Variants in ZBTB38 observed in about 807,000 individuals in gnomAD.
The protein encoded by ZBTB38 is zinc finger and BTB domain-containing protein 38.
In ZBTB38, 20 loss-of-function variants were observed where a neutral mutation model predicts 76.8. The ratio of observed to expected loss-of-function variants is 0.26; its 90% confidence interval spans 0.18 to 0.38. The LOEUF is 0.38. ZBTB38 is among the 10% of genes least tolerant of loss of function. ZBTB38 has a pLI of 1.00. For missense variants in ZBTB38, 1,082 were observed against 1,482.3 expected, an observed-to-expected ratio of 0.73 and a Z score of 4.43; for synonymous variants, 504 against 544.2, an observed-to-expected ratio of 0.93 and a Z score of 1.03.
In ZBTB38 at chr3:141,426,233, A is replaced by G. The variant is rs148501471; in HGVS notation, c.1-16156A>G. The G allele has an allele frequency of 7.8e-4, 998 of 1,280,946 alleles. 8 individuals are homozygous for G. The African/African-American group carries it at 0.013, about 17-fold the overall frequency. The allele number at this position is 1,280,946 out of a possible 1,614,324, so 79.3% of individuals were successfully genotyped here. A position where few individuals can be genotyped will look rare whatever the true frequency, so the allele number is the denominator to read the frequency against. ...GTCGTGCGGACTATATATCTTGGTAATTTTCAGCAGGATGCAAAAGCACAC... is the reference window on the plus strand; with the variant it reads ...GTCGTGCGGACTATATATCTTGGTAGTTTTCAGCAGGATGCAAAAGCACAC... On this transcript the variant is annotated intron_variant, in intron 5 of 5. Transcript: ENST00000321464.
chr3:141,363,890 G>A (rs1261303297), upstream of ZBTB38, among the ~76,000 whole-genome samples: 1 of 152,050 alleles, frequency 6.6e-6, no homozygotes, highest in African/African-American at 2.4e-5. Context: ...GAAAACTCAG[G>A]TGTAAATCTT....
chr3:141,440,941 GGA>G (rs1178480227), intron 5 of ZBTB38, among the ~76,000 whole-genome samples: 1 of 151,454 alleles, frequency 6.6e-6, no homozygotes, highest in African/African-American at 2.4e-5. Flanking sequence ...GGCTGAGGCA[GGA>G]GAGTCGCTTG....
At chr3:141,338,140 A>G (rs1393074455) in intron 1 of ZBTB38, among the ~76,000 whole-genome samples, 2 of 152,188 alleles carry the variant, frequency 1.3e-5, no homozygotes, top group Admixed American at 1.3e-4. Context: ...TCTAAAAATA[A>G]CAGATGCTGG....
At chr3:141,428,799 G>A (rs758492370) in intron 5 of ZBTB38, among the ~76,000 whole-genome samples, 2 of 152,022 alleles carry the variant, frequency 1.3e-5, no homozygotes, top group South Asian at 2.1e-4. Context: ...TTTATGTGCC[G>A]GCCTCCACAG....
chr3:141,432,023 C>A, intron 5 of ZBTB38: 1 of 889,980 alleles, frequency 1.1e-6, no homozygotes, highest in Non-Finnish European at 1.3e-6. Flanking sequence ...TTTCTAACAC[C>A]CCGTCACGTG....
At chr3:141,358,044 A>G (rs547014394) in intron 1 of ZBTB38, among the ~76,000 whole-genome samples, 1 of 152,310 alleles carries the variant, frequency 6.6e-6, no homozygotes, top group South Asian at 2.1e-4. Context: ...CAAATTTTCT[A>G]AAGTAGTCCT....
Position 141,356,915 on chromosome 3 carries a change from A to G in ZBTB38, c.-738-11706A>G, listed in dbSNP as rs1943679547. On this transcript the variant is annotated intron_variant, in intron 1 of 7. Coordinates refer to the ZBTB38 transcript ENST00000509842. Reference sequence around the variant, plus strand: ...TAATCATCAAGAATGACTTTTTTTAAAAGTTCACTTGGGAACTATAAATGT... The same window carrying G: ...TAATCATCAAGAATGACTTTTTTTAGAAGTTCACTTGGGAACTATAAATGT... 2.6e-5 allele frequency among the ~76,000 whole-genome samples: 4 copies of G among 152,382 alleles called. No individual in the cohort carries two copies. In the South Asian group the frequency reaches 8.3e-4, roughly 32 times the overall value.
chr3:141,410,857 C>T (rs776256560), intron 5 of ZBTB38, among the ~76,000 whole-genome samples: 2 of 152,102 alleles, frequency 1.3e-5, no homozygotes, highest in Admixed American at 6.5e-5. Flanking sequence ...ACCCAGCTTG[C>T]GCACCCCTAT....
chr3:141,426,175 TC>T, intron 5 of ZBTB38: 2 of 1,289,378 alleles, frequency 1.6e-6, no homozygotes, highest in Non-Finnish European at 2.0e-6. Context: ...GGTAAGCTGT[TC>T]CTTCATAGTG....
At chr3:141,363,852 A>T (rs1247717082), upstream of ZBTB38, among the ~76,000 whole-genome samples, 1 of 152,200 alleles carries the variant, frequency 6.6e-6, no homozygotes, top group Non-Finnish European at 1.5e-5. Context: ...ATCTAAATGT[A>T]AGAACTAAAA....
intron 1 of ZBTB38, among the ~76,000 whole-genome samples, chr3:141,359,207 A>C (rs1301547014): frequency 3.3e-5 from 5 of 152,122 alleles, no homozygotes; most frequent in Non-Finnish European, 5.9e-5. Flanking sequence ...TGGTTTTTAC[A>C]CTCTGACCTT....
intron 4 of ZBTB38, chr3:141,389,163 C>A (rs967916162): frequency 1.3e-5 from 2 of 152,162 alleles, no homozygotes; most frequent in African/African-American, 2.4e-5. Flanking sequence ...AAACCTGAAA[C>A]CTCCCCGAGG....
chr3:141,402,288 C>A (rs1008079569), intron 4 of ZBTB38: 1 of 151,990 alleles, frequency 6.6e-6, no homozygotes, highest in Non-Finnish European at 1.5e-5. Flanking sequence ...CCCGGACGGG[C>A]TGCGTCCTCT....
At chr3:141,417,579 T>G (rs2074358128) in intron 5 of ZBTB38, among the ~76,000 whole-genome samples, 1 of 152,184 alleles carries the variant, frequency 6.6e-6, no homozygotes. Flanking sequence ...CCCACCTGTC[T>G]CTTTGCCTTC....
rs1944097167 is a variant in ZBTB38 at position 141,368,800 on chromosome 3, T to A, written c.-314T>A. 1 of 151,926 alleles carries A rather than the reference T, an allele frequency of 6.6e-6. No homozygotes were observed. Among genetic ancestry groups the A allele is most frequent in the Non-Finnish European group, 1.5e-5 (1 of 67,978 alleles). The allele number at this position is 151,926 out of a possible 1,614,324, so 9.4% of individuals were successfully genotyped here. On this transcript the variant is annotated 5_prime_UTR_variant, in exon 1 of 6. Coordinates refer to ENST00000321464, the MANE Select transcript of ZBTB38 (RefSeq NM_001376113.1). The stretch of plus-strand genomic sequence containing the variant: ...TCTGGGTTTCAGAGGAGCCAGCGCC[T>A]CCGAGTAAGTGAAGGCCCACTTTTG...
At chr3:141,399,174 A>G (rs1951100929) in intron 4 of ZBTB38, among the ~76,000 whole-genome samples, 1 of 151,828 alleles carries the variant, frequency 6.6e-6, no homozygotes, top group African/African-American at 2.4e-5. Context: ...TTATATAAAA[A>G]TCCTGATTTA....
rs751928715 is a variant in ZBTB38, at chr3:141,445,741, G to A, written c.3353G>A (p.Arg1118Gln). Residue 1118 changes from arginine to glutamine, a missense_variant, in exon 6 of 6, where the codon CGG (arginine) becomes CAG (glutamine). Physicochemically the swap from Arg to Gln is conservative, Grantham distance 43. Transcript: ENST00000321464. The surrounding 1 kb of genome is among the most constrained non-coding windows in gnomAD (Gnocchi z 6.5). ...AGGAATCACGAGCAGAGGCATATTCGGGAGCATAATGGGAAGGGCTATGCC... is the reference window on the plus strand; with the variant it reads ...AGGAATCACGAGCAGAGGCATATTCAGGAGCATAATGGGAAGGGCTATGCC... ...TKRNHEQRHIREHNGKGYACF... is the reference protein window; with the variant it reads ...TKRNHEQRHIQEHNGKGYACF... 8.1e-6 allele frequency: 13 copies of A among 1,614,018 alleles called. No individual in the cohort carries two copies. Among genetic ancestry groups the A allele is most frequent in the Middle Eastern group, 1.6e-4 (1 of 6,084 alleles).
chr3:141,414,438 A>C (rs1183298477), intron 5 of ZBTB38, among the ~76,000 whole-genome samples: 1 of 152,174 alleles, frequency 6.6e-6, no homozygotes, highest in Non-Finnish European at 1.5e-5. Flanking sequence ...AGACCATTGA[A>C]CCTTCTCCAT....
chr3:141,378,377 C>G (rs1231802679), intron 2 of ZBTB38, among the ~76,000 whole-genome samples: 5 of 147,802 alleles, frequency 3.4e-5, no homozygotes, highest in African/African-American at 7.5e-5. Flanking sequence ...CACACACACA[C>G]AGAGTGCATG....
Sources: gnomAD v4.1 joint callset for allele counts (sites outside exome capture counted in the v4.1 genomes callset) on GRCh38, gnomAD v4.1.1 for gene constraint, Gnocchi (gnomAD v3.1) non-coding constraint, MANE v1.5 for transcripts, NCBI Gene and HGNC (gene_info 2026-07-23, HGNC 2026-07-21) for gene names.